CDH13: variants seen among roughly 807,000 people sequenced by gnomAD.
CDH13 encodes cadherin 13.
CDH13 carries 24 observed loss-of-function variants against 63.8 expected under a neutral mutation model. The observed-to-expected ratio is 0.38, with a 90% CI of 0.27 to 0.53. The LOEUF is 0.53. Ranked by LOEUF, CDH13 falls within the 20% of genes least tolerant of loss-of-function variation. CDH13 has a pLI of 0.85. For missense variants in CDH13, 1,049 were observed against 903.1 expected, an observed-to-expected ratio of 1.16 and a Z score of -2.07; for synonymous variants, 503 against 355.3, an observed-to-expected ratio of 1.42 and a Z score of -4.67.
intron 4 of CDH13, among the ~76,000 whole-genome samples, chr16:83,208,491 C>T (rs566625371): frequency 1.3e-5 from 2 of 151,724 alleles, no homozygotes; most frequent in South Asian, 4.2e-4. Flanking sequence ...TCCTATTTAA[C>T]GTAGAGTAGA....
At chr16:82,825,648 G>C (rs2549149) in intron 1 of CDH13, 112,873 of 150,660 alleles carry the variant, frequency 0.75, 42,773 homozygotes, top group East Asian at 0.95. Flanking sequence ...TGGGTTCAGG[G>C]AATTCTCCTG....
chr16:83,136,413 G>T lies in CDH13; in HGVS notation c.483+10912G>T, dbSNP rs2036287379. 2.7e-5 allele frequency among the ~76,000 whole-genome samples: 4 copies of T among 150,472 alleles called. No homozygotes were observed. The South Asian group carries it at 8.4e-4, about 32-fold the overall frequency. On this transcript the variant is annotated intron_variant, in intron 4 of 13. Coordinates refer to ENST00000567109, the MANE Select transcript of CDH13 (RefSeq NM_001257.5). ...AGGCAGGAGAATGGCGTGAACCCAGGAGGCAGAGTTTGTAGTGAGCCGAGA... is the reference window on the plus strand; with the variant it reads ...AGGCAGGAGAATGGCGTGAACCCAGTAGGCAGAGTTTGTAGTGAGCCGAGA...
intron 11 of CDH13, among the ~76,000 whole-genome samples, chr16:83,777,207 A>G (rs931449556): frequency 6.6e-6 from 1 of 152,212 alleles, no homozygotes; most frequent in African/African-American, 2.4e-5. Context: ...AAGTCAGATC[A>G]GATTGTTCCT....
chr16:83,202,373 C>T (rs1477361203), intron 4 of CDH13, among the ~76,000 whole-genome samples: 3 of 152,120 alleles, frequency 2.0e-5, no homozygotes, highest in African/African-American at 7.2e-5. Context: ...AAGAGCCTTG[C>T]TTTCCTGAGG....
rs1040180111 is a variant in CDH13 at position 82,662,009 on chromosome 16, G to A, written c.45+34872G>A. On this transcript the variant is annotated intron_variant, in intron 1 of 13. Coordinates refer to ENST00000567109, the MANE Select transcript of CDH13 (RefSeq NM_001257.5). ...GAATTTTAAGGGCTCCTTTGTCACA[G>A]GCGGCTAGTGGTTCTCATGTGCAGA... Among the ~76,000 whole-genome samples the A allele has an allele frequency of 3.9e-5, 6 of 152,224 alleles. No individual in the cohort carries two copies. In the East Asian group the frequency reaches 1.2e-3, roughly 29 times the overall value.
chr16:82,730,057 C>T (rs1483237937), intron 1 of CDH13, among the ~76,000 whole-genome samples: 1 of 152,212 alleles, frequency 6.6e-6, no homozygotes, highest in Non-Finnish European at 1.5e-5. Flanking sequence ...TAAGGGAATG[C>T]TGTGGCTGGA....
chr16:83,160,335 C>T (rs567128074), intron 4 of CDH13, among the ~76,000 whole-genome samples: 1 of 151,962 alleles, frequency 6.6e-6, no homozygotes, highest in African/African-American at 2.4e-5. Context: ...TATTATAAAC[C>T]TGAAACTGCT....
At chr16:83,501,027 A>T (rs1014185137) in intron 7 of CDH13, among the ~76,000 whole-genome samples, 1 of 152,226 alleles carries the variant, frequency 6.6e-6, no homozygotes, top group African/African-American at 2.4e-5. Flanking sequence ...GTCTTGTCAA[A>T]ACATTCCCAC....
chr16:83,318,823 T>C (rs1395503231), intron 5 of CDH13, among the ~76,000 whole-genome samples: 2 of 152,132 alleles, frequency 1.3e-5, no homozygotes, highest in East Asian at 1.9e-4. Flanking sequence ...TGTCTTTCTT[T>C]TGAAGTCACT....
chr16:82,644,319 A>G lies in CDH13; in HGVS notation c.45+17182A>G, dbSNP rs1199636614. ...CACTCTGCAAATCAAGGCCCCCCGA[A>G]CTCCTCCCACCCCTGCCTTCTGCGT... On this transcript the variant is annotated intron_variant, in intron 1 of 13. Coordinates refer to ENST00000567109, the MANE Select transcript of CDH13 (RefSeq NM_001257.5). This position sits in a 1 kb window ranked among gnomAD's most constrained non-coding sequence, Gnocchi z 5.7. 6.6e-6 allele frequency among the ~76,000 whole-genome samples: 1 copy of G among 150,816 alleles called. No individual in the cohort carries two copies. Among genetic ancestry groups the G allele is most frequent in the African/African-American group, 2.4e-5 (1 of 40,912 alleles).
chr16:82,634,650 ACTGT>A (rs1182788644), intron 1 of CDH13, among the ~76,000 whole-genome samples: 18 of 152,326 alleles, frequency 1.2e-4, no homozygotes, highest in South Asian at 6.2e-4. Flanking sequence ...CAGAGTTGAG[ACTGT>A]CTGGCCCCTG....
chr16:83,533,869 C>T (rs2075133976), intron 7 of CDH13, among the ~76,000 whole-genome samples: 1 of 152,150 alleles, frequency 6.6e-6, no homozygotes, highest in Non-Finnish European at 1.5e-5. Flanking sequence ...GATCCGCCCA[C>T]CTCAGCCTCC....
chr16:83,650,006 A>C (rs16961167), intron 8 of CDH13, among the ~76,000 whole-genome samples: 20,147 of 152,212 alleles, frequency 0.13, 1,414 homozygotes, highest in East Asian at 0.24. Context: ...TAATTGGACA[A>C]AATGGAAAAT....
chr16:83,447,337 C>A (rs1340205059), intron 6 of CDH13, among the ~76,000 whole-genome samples: 2 of 151,684 alleles, frequency 1.3e-5, no homozygotes, highest in Non-Finnish European at 2.9e-5. Context: ...TTTGCTTGAA[C>A]CTGGGAGGCA....
chr16:83,391,964 C>G (rs201406228), intron 6 of CDH13, among the ~76,000 whole-genome samples: 1 of 152,086 alleles, frequency 6.6e-6, no homozygotes, highest in Non-Finnish European at 1.5e-5. Context: ...CAGGGTCATT[C>G]GAAATGTATG....
chr16:82,923,523 C>T (rs568102060), intron 2 of CDH13, among the ~76,000 whole-genome samples: 2 of 152,176 alleles, frequency 1.3e-5, no homozygotes, highest in Non-Finnish European at 2.9e-5. Context: ...CAGAGTCCTA[C>T]TTTTGTACTC....
intron 6 of CDH13, among the ~76,000 whole-genome samples, chr16:83,441,935 A>T (rs189956813): frequency 1.8e-4 from 27 of 152,282 alleles, no homozygotes; most frequent in African/African-American, 6.0e-4. Flanking sequence ...TGAGGTAGGG[A>T]TTATTAAGAG....
chr16:82,972,718 C>T (rs1317834545), intron 2 of CDH13, among the ~76,000 whole-genome samples: 1 of 152,154 alleles, frequency 6.6e-6, no homozygotes, highest in African/African-American at 2.4e-5. Flanking sequence ...TTCCATGAAT[C>T]CAAGCCATTT....
intron 5 of CDH13, among the ~76,000 whole-genome samples, chr16:83,259,791 G>T (rs2151834285): frequency 6.6e-6 from 1 of 152,236 alleles, no homozygotes; most frequent in African/African-American, 2.4e-5. Flanking sequence ...CTGAGGCAAA[G>T]AGGTATCCAT....
Sources: allele counts gnomAD v4.1 joint callset (sites outside exome capture counted in the v4.1 genomes callset), GRCh38; gene constraint gnomAD v4.1.1; non-coding constraint Gnocchi (gnomAD v3.1); transcripts MANE v1.5; gene names NCBI Gene and HGNC (gene_info 2026-07-23, HGNC 2026-07-21).